The following TAOK3 variants were observed in gnomAD, a reference collection of about 807,000 sequenced individuals.
The protein encoded by TAOK3 is TAO kinase 3, also known as serine/threonine-protein kinase TAO3.
A neutral mutation model predicts 120.4 loss-of-function variants in TAOK3; 40 were observed. The observed-to-expected ratio is 0.33, with a 90% CI of 0.26 to 0.43. The LOEUF is 0.43. Ranked by LOEUF, TAOK3 falls within the 20% of genes least tolerant of loss-of-function variation. The pLI, the probability that TAOK3 is intolerant of heterozygous loss-of-function variation, is 1.00. For synonymous variants in TAOK3, 355 were observed against 387.5 expected (o/e 0.92, Z 0.99); for missense variants, 821 against 1,112.1 (o/e 0.74, Z 3.72).
intron 9 of TAOK3, among the ~76,000 whole-genome samples, chr12:118,226,510 G>C (rs1290169411): frequency 6.6e-6 from 1 of 151,016 alleles, no homozygotes; most frequent in Non-Finnish European, 1.5e-5. Flanking sequence ...CTCCAGCCTG[G>C]TGACAGAGCG....
chr12:118,372,662 C>A lies in TAOK3; in HGVS notation c.-208G>T. 6.3e-6 allele frequency: 1 copy of A among 158,648 alleles called. No individual in the cohort carries two copies. Among genetic ancestry groups the A allele is most frequent in the South Asian group, 1.7e-4 (1 of 5,986 alleles). 9.8% of individuals were successfully genotyped at this position (158,648 alleles called of 1,614,324 possible). ...GGTGCTCTCACCTCAGACCTGCTGT[C>A]ACCACCCCCGGGCCCGGCGCCGCCG... is the stretch of plus-strand genomic sequence containing the variant. On this transcript the variant is annotated 5_prime_UTR_variant, in exon 1 of 21. Transcript: ENST00000392533. The surrounding 1 kb of genome is among the most constrained non-coding windows in gnomAD (Gnocchi z 4.6).
intron 2 of TAOK3, among the ~76,000 whole-genome samples, chr12:118,257,158 C>T (rs1379180502): frequency 6.6e-6 from 1 of 152,086 alleles, no homozygotes; most frequent in African/African-American, 2.4e-5. Context: ...GTCAGGACCG[C>T]AATTAAAACT....
intron 11 of TAOK3, among the ~76,000 whole-genome samples, chr12:118,206,860 G>A (rs1425583792): frequency 6.6e-6 from 1 of 152,014 alleles, no homozygotes; most frequent in African/African-American, 2.4e-5. Flanking sequence ...CTCCAAAAGT[G>A]CTGGGATTAC....
intron 19 of TAOK3, among the ~76,000 whole-genome samples, chr12:118,154,246 T>C (rs1018534574): frequency 6.6e-6 from 1 of 152,250 alleles, no homozygotes; most frequent in African/African-American, 2.4e-5. Context: ...ATTTAGACCA[T>C]CTAAACATCT....
At chr12:118,280,397 T>G (rs1566057402) in intron 1 of TAOK3, among the ~76,000 whole-genome samples, 1 of 152,144 alleles carries the variant, frequency 6.6e-6, no homozygotes, top group Non-Finnish European at 1.5e-5. Context: ...GGGTCCAGTT[T>G]CAATCTTCTG....
At chr12:118,242,432 A>C (rs1339103192) in intron 5 of TAOK3, among the ~76,000 whole-genome samples, 1 of 152,254 alleles carries the variant, frequency 6.6e-6, no homozygotes, top group Non-Finnish European at 1.5e-5. Context: ...GAGTTGGTAC[A>C]TGGTAAACAA....
intron 17 of TAOK3, among the ~76,000 whole-genome samples, chr12:118,171,502 G>A (rs1371899764): frequency 2.0e-5 from 3 of 152,060 alleles, no homozygotes; most frequent in African/African-American, 2.4e-5. Flanking sequence ...GATTATAGGC[G>A]TGCACCACCA....
At chr12:118,251,640 C>T (rs1185373497) in intron 3 of TAOK3, among the ~76,000 whole-genome samples, 2 of 152,126 alleles carry the variant, frequency 1.3e-5, no homozygotes, top group South Asian at 4.1e-4. Flanking sequence ...TTCAAAAACG[C>T]ACACACTCTA....
In TAOK3 at chr12:118,201,327, C is replaced by G; in HGVS notation, c.956G>C (p.Gly319Ala). The change falls in exon 12 of 21, where the codon GGA (glycine) becomes GCA (alanine). Residue 319 changes from glycine to alanine, a missense_variant. By Grantham distance (60) the Gly-to-Ala change is moderately conservative. Transcript: ENST00000392533. ...ATCCTCCTGTGACTCATTCAAGGGT[C>G]CATTCCGTGTCTCTTGGAAAAGTAT... ...KKILFQETRN[G>A]PLNESQEDEE... 6.2e-7 allele frequency: 1 copy of G among 1,613,934 alleles called. No homozygotes were observed. The highest frequency in any genetic ancestry group is 8.5e-7 in the Non-Finnish European group (1 of 1,179,916).
rs112338827 is a variant in TAOK3 at position 118,173,570 on chromosome 12, A to T, written c.1696-910T>A. 8.7e-3 allele frequency among the ~76,000 whole-genome samples: 1,324 copies of T among 152,346 alleles called. 18 individuals are homozygous for T. The highest frequency in any genetic ancestry group is 0.031 in the African/African-American group (1,280 of 41,572). On this transcript the variant is annotated intron_variant, in intron 16 of 20. Coordinates refer to ENST00000392533, the MANE Select transcript of TAOK3 (RefSeq NM_016281.4). ...TGAGAGAAGCAGACAGATTCCAAAG[A>T]GAAGAGGTGACTATGCAAATGTCAC...
intron 1 of TAOK3, among the ~76,000 whole-genome samples, chr12:118,294,097 T>C (rs542499201): frequency 2.6e-5 from 4 of 152,306 alleles, no homozygotes; most frequent in Non-Finnish European, 5.9e-5. Flanking sequence ...AGAGAATCTA[T>C]TTTATATATG....
chr12:118,244,531 T>TC lies in TAOK3; in HGVS notation c.192+362_192+363insG, dbSNP rs755995246. On this transcript the variant is annotated intron_variant, in intron 4 of 20. Coordinates refer to ENST00000392533, the MANE Select transcript of TAOK3 (RefSeq NM_016281.4). ...AATTTTGTTAATTTCTTTTTTCTTT[T>TC]TCTTTTTTTTTTTTTGAGACAGAGC... 5.1e-3 allele frequency among the ~76,000 whole-genome samples: 674 copies of TC among 131,868 alleles called. 25 individuals carry two copies. Among genetic ancestry groups the TC allele is most frequent in the Non-Finnish European group, 8.1e-3 (488 of 60,468 alleles). 86.5% of individuals were successfully genotyped at this position (131,868 alleles called of 152,430 possible).
At chr12:118,192,238 C>T (rs962562142) in intron 13 of TAOK3, among the ~76,000 whole-genome samples, 2 of 152,242 alleles carry the variant, frequency 1.3e-5, no homozygotes, top group East Asian at 1.9e-4. Context: ...AAAATTAAAA[C>T]TTGAAATGAC....
At chr12:118,330,382 C>G (rs760661854) in intron 1 of TAOK3, among the ~76,000 whole-genome samples, 92 of 152,162 alleles carry the variant, frequency 6.0e-4, no homozygotes, top group Non-Finnish European at 1.2e-3. Context: ...GTGGTAGAAA[C>G]AAAAGTCCCA....
At chr12:118,279,637 G>A (rs1451098272) in intron 1 of TAOK3, among the ~76,000 whole-genome samples, 1 of 148,594 alleles carries the variant, frequency 6.7e-6, no homozygotes, top group Non-Finnish European at 1.5e-5. Flanking sequence ...AGGCTGGAGT[G>A]CAGTGGTACA....
intron 5 of TAOK3, among the ~76,000 whole-genome samples, chr12:118,243,019 TA>T (rs1388391096): frequency 6.6e-6 from 1 of 152,008 alleles, no homozygotes; most frequent in Non-Finnish European, 1.5e-5. Context: ...CCCTGTTTGG[TA>T]AAAATCACAT....
chr12:118,247,935 T>G (rs2040586640), intron 3 of TAOK3, among the ~76,000 whole-genome samples: 1 of 152,242 alleles, frequency 6.6e-6, no homozygotes, highest in African/African-American at 2.4e-5. Context: ...TAAGCTATTT[T>G]GCTTCTGTCA....
At chr12:118,207,801 A>G (rs1381596492) in intron 11 of TAOK3, among the ~76,000 whole-genome samples, 1 of 150,914 alleles carries the variant, frequency 6.6e-6, no homozygotes, top group Non-Finnish European at 1.5e-5. Flanking sequence ...CGAAGGTTGC[A>G]GTGAGACGAG....
At chr12:118,360,190 A>C (rs1317213330) in intron 1 of TAOK3, among the ~76,000 whole-genome samples, 1 of 150,494 alleles carries the variant, frequency 6.6e-6, no homozygotes, top group Non-Finnish European at 1.5e-5. Flanking sequence ...ACTTGAACCC[A>C]GGAGGCGGAG....
Sources: allele counts gnomAD v4.1 joint callset (sites outside exome capture counted in the v4.1 genomes callset), GRCh38; gene constraint gnomAD v4.1.1; non-coding constraint Gnocchi (gnomAD v3.1); transcripts MANE v1.5; gene names NCBI Gene and HGNC (gene_info 2026-07-23, HGNC 2026-07-21).